DZIP1: variants seen among roughly 807,000 people sequenced by gnomAD.
DZIP1 encodes the protein DAZ interacting zinc finger protein 1, also known as cilium assembly protein DZIP1.
Under a neutral mutation model 107.6 loss-of-function variants are expected in DZIP1, and 97 were observed. That is an observed-to-expected ratio of 0.90 (90% CI 0.77 to 1.07). DZIP1 has a LOEUF of 1.07. DZIP1 is among the 50% of genes least tolerant of loss of function. The pLI, the probability that DZIP1 is intolerant of heterozygous loss-of-function variation, is 0.00. For synonymous variants in DZIP1, 390 were observed against 386.4 expected, an observed-to-expected ratio of 1.01 and a Z score of -0.11; for missense variants, 1,035 against 1,063.6, an observed-to-expected ratio of 0.97 and a Z score of 0.37.
intron 21 of DZIP1, 58 bp downstream of exon 21, chr13:95,585,948 A>T: frequency 6.6e-7 from 1 of 1,520,702 alleles, no homozygotes; most frequent in Non-Finnish European, 8.8e-7. Flanking sequence ...AAGTGTGACC[A>T]TTAAGGTGCT....
Position 95,642,191 on chromosome 13 carries a change from CT to C in DZIP1, c.-163del. 2.1e-6 allele frequency: 2 copies of C among 959,436 alleles called. No individual in the cohort carries two copies. Among genetic ancestry groups the C allele is most frequent in the Non-Finnish European group, 2.9e-6 (2 of 688,310 alleles). 59.4% of individuals were successfully genotyped at this position (959,436 alleles called of 1,614,324 possible). The stretch of plus-strand genomic sequence containing the variant: ...GCTATAGCAGCGCCCAGGTCCGGAC[CT>C]GGAGCAAAGGGCGCGTCTGCCCGCG... On this transcript the variant is annotated 5_prime_UTR_variant, in exon 4 of 23. Transcript: ENST00000376829.
rs2045001245 is a variant in DZIP1, at chr13:95,611,432, C to G, written c.1363+13G>C. On this transcript the variant is annotated intron_variant, in intron 12 of 22. Coordinates refer to ENST00000376829, the MANE Select transcript of DZIP1 (RefSeq NM_198968.4). ...TTCCCCTTGCCGCCAGTACCGGGAT[C>G]CCATCCACTTACCTTTGGGTTCACT... 1 of 1,612,310 alleles carries G rather than the reference C, an allele frequency of 6.2e-7. No individual in the cohort carries two copies. The highest frequency in any genetic ancestry group is 8.5e-7 in the Non-Finnish European group (1 of 1,178,446).
chr13:95,639,702 A>G (rs1385558525), intron 5 of DZIP1, among the ~76,000 whole-genome samples: 1 of 151,764 alleles, frequency 6.6e-6, no homozygotes, highest in Non-Finnish European at 1.5e-5. Context: ...TTATAAACAT[A>G]CAATTTCTGT....
rs750892688 is a variant in DZIP1 at position 95,641,291 on chromosome 13, C to T, written c.597+4G>A. The T allele has an allele frequency of 2.7e-5, 42 of 1,571,268 alleles. No individual in the cohort carries two copies. The highest frequency in any genetic ancestry group is 3.4e-5 in the Non-Finnish European group (39 of 1,152,836). ...ATGAATCGTGCTCACACACAGCTGC[C>T]CACCTGGTAATAGTTGGCTTTGGCC... On this transcript the variant is annotated splice_donor_region_variant and intron_variant, in intron 5 of 22. Transcript: ENST00000376829. This position sits in a 1 kb window ranked among gnomAD's most constrained non-coding sequence, Gnocchi z 4.3.
rs778315431 is a variant in DZIP1 at position 95,642,043 on chromosome 13, C to T, written c.-14G>A. 3 of 1,563,074 alleles carry T rather than the reference C, an allele frequency of 1.9e-6. No individual in the cohort carries two copies. Among genetic ancestry groups the T allele is most frequent in the Admixed American group, 1.9e-5 (1 of 52,846 alleles). ...CTCAGCTTGCATAGGAGGAGCCGGG[C>T]GGTCTTTACCCAGCCTGGGCCGCCT... On this transcript the variant is annotated 5_prime_UTR_variant, in exon 4 of 23. Coordinates refer to ENST00000376829, the MANE Select transcript of DZIP1 (RefSeq NM_198968.4).
rs1268115759 is a variant in DZIP1, at chr13:95,581,115, G to GTGAT, written c.*1115_*1118dup. 1 of 152,482 alleles carries GTGAT rather than the reference G, an allele frequency of 6.6e-6. No homozygotes were observed. Among genetic ancestry groups the GTGAT allele is most frequent in the African/African-American group, 2.4e-5 (1 of 41,448 alleles). The allele number at this position is 152,482 out of a possible 1,614,324, so 9.4% of individuals were successfully genotyped here. Reference sequence around the variant, plus strand: ...CTCTAATAACACAGCCACAGTCACAGTGATGTAACAGAGGGCTTTACTGAA... The same window carrying GTGAT: ...CTCTAATAACACAGCCACAGTCACAGTGATTGATGTAACAGAGGGCTTTACTGAA... On this transcript the variant is annotated 3_prime_UTR_variant, in exon 23 of 23. Transcript: ENST00000376829.
Position 95,586,011 on chromosome 13 carries a change from G to C in DZIP1, c.2344C>G (p.Leu782Val). 1 of 1,600,626 alleles carries C rather than the reference G, an allele frequency of 6.2e-7. No individual in the cohort carries two copies. The highest frequency in any genetic ancestry group is 8.5e-7 in the Non-Finnish European group (1 of 1,175,978). The change falls in exon 21 of 23, where the codon CTA (leucine) becomes GTA (valine). Residue 782 changes from leucine (L) to valine (V), a missense_variant. Coordinates refer to ENST00000376829, the MANE Select transcript of DZIP1 (RefSeq NM_198968.4). ...GCAAGTAAAAGTGATTTCACCTTTAGTTCTTGTAATTCTTCTTTTTTGATA... is the reference window on the plus strand; with the variant it reads ...GCAAGTAAAAGTGATTTCACCTTTACTTCTTGTAATTCTTCTTTTTTGATA... ...MFIKKEELQELKCADVEDEDW... is the reference protein window; with the variant it reads ...MFIKKEELQEVKCADVEDEDW...
chr13:95,631,098 G>T (rs559912499), intron 6 of DZIP1, among the ~76,000 whole-genome samples: 1 of 152,246 alleles, frequency 6.6e-6, no homozygotes, highest in South Asian at 2.1e-4. Context: ...GGCCCAAACT[G>T]GAGGGAAATG....
At position 95,609,439 on chromosome 13, in the gene DZIP1, T is replaced by C. The variant is rs1224103980; in HGVS notation, c.1420+18A>G. The stretch of plus-strand genomic sequence containing the variant: ...TTAAAGATACCTTTGGAGCCCTGCA[T>C]CTATTATAGGAACTTACTAGGCACA... On this transcript the variant is annotated intron_variant, in intron 13 of 22. Coordinates refer to ENST00000376829, the MANE Select transcript of DZIP1 (RefSeq NM_198968.4). 2.0e-6 allele frequency: 3 copies of C among 1,513,936 alleles called. No individual in the cohort carries two copies. The East Asian group carries it at 7.2e-5, about 36-fold the overall frequency. 93.8% of individuals were successfully genotyped at this position (1,513,936 alleles called of 1,614,324 possible).
chr13:95,616,351 T>C (rs1196413769), intron 10 of DZIP1, among the ~76,000 whole-genome samples: 6 of 152,166 alleles, frequency 3.9e-5, no homozygotes, highest in Admixed American at 3.9e-4. Context: ...CAATCAGCCT[T>C]TCTCCATCTA....
rs1318979807 is a variant in DZIP1 at position 95,644,588 on chromosome 13, G to C, written c.-737C>G. 6.5e-6 allele frequency: 1 copy of C among 152,724 alleles called. No individual in the cohort carries two copies. The highest frequency in any genetic ancestry group is 6.5e-5 in the Admixed American group (1 of 15,294). 9.5% of individuals were successfully genotyped at this position (152,724 alleles called of 1,614,324 possible). On this transcript the variant is annotated 5_prime_UTR_variant, in exon 1 of 23. Transcript: ENST00000376829. ...GTTGTGGCGAGGCGGGTCGACTGGC[G>C]CCGCTCTAGGGCCTTCCAGACTCCG...
At chr13:95,609,114 A>C (rs1482404156) in intron 13 of DZIP1, among the ~76,000 whole-genome samples, 2 of 152,190 alleles carry the variant, frequency 1.3e-5, no homozygotes, top group East Asian at 3.9e-4. Flanking sequence ...GCAGTTTCAA[A>C]GTGTGGTGAC....
chr13:95,590,730 G>A (rs574611549), intron 16 of DZIP1, among the ~76,000 whole-genome samples: 4 of 152,352 alleles, frequency 2.6e-5, no homozygotes, highest in African/African-American at 4.8e-5. Context: ...GGAGGCCATC[G>A]AAGGCCCCAG....
At chr13:95,628,700 GA>G (rs1206057080) in intron 7 of DZIP1, among the ~76,000 whole-genome samples, 1 of 152,158 alleles carries the variant, frequency 6.6e-6, no homozygotes, top group Non-Finnish European at 1.5e-5. Flanking sequence ...CATTCAGCCT[GA>G]AAAAGGAAGG....
At chr13:95,603,601 TG>T (rs2044685146) in intron 14 of DZIP1, among the ~76,000 whole-genome samples, 1 of 152,194 alleles carries the variant, frequency 6.6e-6, no homozygotes, top group South Asian at 2.1e-4. Context: ...CTTTATTTTC[TG>T]GGCATCCTAA....
At chr13:95,605,626 A>C (rs540167135) in intron 14 of DZIP1, among the ~76,000 whole-genome samples, 34 of 152,352 alleles carry the variant, frequency 2.2e-4, no homozygotes, top group African/African-American at 7.5e-4. Context: ...AAAGTTATAA[A>C]AACAACCACA....
chr13:95,636,543 CAA>C (rs58289509), intron 5 of DZIP1, among the ~76,000 whole-genome samples: 3 of 118,238 alleles, frequency 2.5e-5, no homozygotes, highest in Non-Finnish European at 3.3e-5. Flanking sequence ...GACCTTGACT[CAA>C]AAAAAAAAAA....
chr13:95,616,637 G>A (rs993832028), intron 10 of DZIP1, among the ~76,000 whole-genome samples: 11 of 152,158 alleles, frequency 7.2e-5, no homozygotes, highest in Non-Finnish European at 7.4e-5. Flanking sequence ...CTACCTACTT[G>A]GATAGAGTGA....
At chr13:95,583,975 T>A (rs1246603186) in intron 22 of DZIP1, among the ~76,000 whole-genome samples, 11 of 151,620 alleles carry the variant, frequency 7.3e-5, no homozygotes, top group Admixed American at 5.3e-4. Context: ...AATAAAAAAA[T>A]AATAATAATA....
Sources: gnomAD v4.1 joint callset for allele counts (sites outside exome capture counted in the v4.1 genomes callset) on GRCh38, gnomAD v4.1.1 for gene constraint, Gnocchi (gnomAD v3.1) non-coding constraint, MANE v1.5 for transcripts, NCBI Gene and HGNC (gene_info 2026-07-23, HGNC 2026-07-21) for gene names.